RIN2: variants seen among roughly 807,000 people sequenced by gnomAD.
RIN2 encodes the protein Ras and Rab interactor 2.
RIN2 carries 36 observed loss-of-function variants against 78.0 expected under a neutral mutation model. The ratio of observed to expected loss-of-function variants is 0.46; its 90% CI spans 0.35 to 0.61. RIN2 has a LOEUF of 0.61. Among genes scored for constraint, RIN2 ranks in the 20% least tolerant of loss-of-function variants. The probability of loss-of-function intolerance (pLI) is 0.00; values close to 1 mark genes in which losing one functional copy is unlikely to be tolerated. For missense variants in RIN2, 1,087 were observed against 1,159.7 expected, an observed-to-expected ratio of 0.94 and a Z score of 0.91; for synonymous variants, 466 against 466.8, an observed-to-expected ratio of 1.00 and a Z score of 0.02.
At chr20:19,865,399 C>T (rs1230934875) in intron 2 of RIN2, among the ~76,000 whole-genome samples, 2 of 152,092 alleles carry the variant, frequency 1.3e-5, no homozygotes, top group East Asian at 1.9e-4. Flanking sequence ...AAACTGTATT[C>T]CCTGGAACCT....
chr20:19,941,491 A>T (rs73126157), intron 4 of RIN2, among the ~76,000 whole-genome samples: 4,935 of 152,276 alleles, frequency 0.032, 125 homozygotes, highest in Non-Finnish European at 0.044. Context: ...AGTAAAACAT[A>T]ACTCAGCAAA....
At chr20:19,920,640 G>C (rs2039877530) in intron 3 of RIN2, among the ~76,000 whole-genome samples, 1 of 152,166 alleles carries the variant, frequency 6.6e-6, no homozygotes, top group Non-Finnish European at 1.5e-5. Context: ...CAGAGTGTTT[G>C]CTCTGCAGTG....
chr20:19,870,287 G>A (rs1473834288), intron 2 of RIN2, among the ~76,000 whole-genome samples: 1 of 152,094 alleles, frequency 6.6e-6, no homozygotes, highest in East Asian at 1.9e-4. Flanking sequence ...TCTTTCTCTA[G>A]TCCAGGAACT....
intron 3 of RIN2, among the ~76,000 whole-genome samples, chr20:19,932,808 T>C (rs894481324): frequency 1.3e-5 from 2 of 152,238 alleles, no homozygotes; most frequent in African/African-American, 2.4e-5. Flanking sequence ...ACAGATTTAT[T>C]TGATGGCTGA....
intron 2 of RIN2, among the ~76,000 whole-genome samples, chr20:19,822,993 TAGCATTTATTAATC>T (rs2122917507): frequency 6.6e-6 from 1 of 152,356 alleles, no homozygotes; most frequent in African/African-American, 2.4e-5. Flanking sequence ...CTAGAATAGC[TAGCATTTATTAATC>T]ATTTGTCATA....
At chr20:19,863,238 C>T (rs146020082) in intron 2 of RIN2, among the ~76,000 whole-genome samples, 5 of 152,284 alleles carry the variant, frequency 3.3e-5, no homozygotes, top group Non-Finnish European at 2.9e-5. Context: ...ACTTTAGGAA[C>T]ATTATTTAAC....
rs746143523 is a variant in RIN2, at chr20:19,956,827, G to C, written c.351+20G>C. On this transcript the variant is annotated intron_variant, in intron 5 of 12. Transcript: ENST00000255006. ...CCGGGGGTAAGACTCAGAACCTCGG[G>C]AAGCAGGTTGAAGCAGGCAGGACTG... 1 of 1,512,168 alleles carries C rather than the reference G, an allele frequency of 6.6e-7. No homozygotes were observed. The highest frequency in any genetic ancestry group is 8.9e-7 in the Non-Finnish European group (1 of 1,126,506). The allele number at this position is 1,512,168 out of a possible 1,614,324, so 93.7% of individuals were successfully genotyped here. A position where few individuals can be genotyped will look rare whatever the true frequency, so the allele number is the denominator to read the frequency against.
chr20:19,964,494 C>T (rs183697163), intron 6 of RIN2, among the ~76,000 whole-genome samples: 595 of 152,230 alleles, frequency 3.9e-3, no homozygotes, highest in Non-Finnish European at 5.9e-3. Context: ...TTCCTTCTCC[C>T]GTGTGCTTTT....
intron 3 of RIN2, among the ~76,000 whole-genome samples, chr20:19,894,548 G>C (rs2038631210): frequency 6.6e-6 from 1 of 152,102 alleles, no homozygotes; most frequent in South Asian, 2.1e-4. Context: ...CAGCACCCCT[G>C]GCCTAAATCC....
rs1481587981 is a variant in RIN2 at position 19,882,367 on chromosome 20, C to T, written c.-36-7199C>T. On this transcript the variant is annotated intron_variant, in intron 2 of 12. Transcript: ENST00000255006. The stretch of plus-strand genomic sequence containing the variant: ...AAGTTTACAAGGAAAGTATTCATCC[C>T]TAAAACTATTTTCTATAAAATTAAA... Among the ~76,000 whole-genome samples the T allele has an allele frequency of 3.3e-5, 5 of 152,120 alleles. No individual in the cohort carries two copies. The East Asian group carries it at 5.8e-4, about 18-fold the overall frequency.
At chr20:19,851,050 G>GAA (rs1491160798) in intron 2 of RIN2, among the ~76,000 whole-genome samples, 46 of 55,194 alleles carry the variant, frequency 8.3e-4, no homozygotes, top group Non-Finnish European at 1.2e-3. Context: ...AGGAAGGAAG[G>GAA]AGAAAGAAAG....
chr20:19,777,669 C>A (rs180889069), intron 1 of RIN2, among the ~76,000 whole-genome samples: 1 of 152,218 alleles, frequency 6.6e-6, no homozygotes, highest in South Asian at 2.1e-4. Flanking sequence ...CTGGCTGAGA[C>A]GAGATCTTCC....
At chr20:19,815,706 A>C (rs1249939078) in intron 2 of RIN2, among the ~76,000 whole-genome samples, 1 of 152,086 alleles carries the variant, frequency 6.6e-6, no homozygotes, top group Non-Finnish European at 1.5e-5. Context: ...ATTCCTGAGC[A>C]CTGTGATTCA....
intron 3 of RIN2, 64 bp downstream of exon 3, chr20:19,889,722 G>A: frequency 7.8e-7 from 1 of 1,275,652 alleles, no homozygotes; most frequent in Non-Finnish European, 1.1e-6. Flanking sequence ...GGGAGCTGCG[G>A]TGCTCCATGG....
intron 1 of RIN2, among the ~76,000 whole-genome samples, chr20:19,791,424 G>T (rs1042592556): frequency 4.6e-5 from 7 of 152,112 alleles, no homozygotes; most frequent in African/African-American, 1.7e-4. Flanking sequence ...ATAATTTAAG[G>T]TCAACAAAAT....
intron 11 of RIN2, among the ~76,000 whole-genome samples, chr20:19,992,811 G>A (rs73901373): frequency 0.021 from 3,130 of 152,274 alleles, 125 homozygotes; most frequent in African/African-American, 0.071. Flanking sequence ...CCATTGCCAG[G>A]AAAATAACCT....
chr20:19,827,644 T>G (rs555780791), intron 2 of RIN2, among the ~76,000 whole-genome samples: 2 of 152,130 alleles, frequency 1.3e-5, no homozygotes, highest in Non-Finnish European at 2.9e-5. Context: ...AAAATGCCTA[T>G]AGAAGATCCA....
intron 2 of RIN2, among the ~76,000 whole-genome samples, chr20:19,881,177 C>T (rs2038016647): frequency 6.6e-6 from 1 of 152,208 alleles, no homozygotes; most frequent in South Asian, 2.1e-4. Context: ...AATTGGTTCT[C>T]CCTGCTCACT....
chr20:19,952,618 GC>G (rs2041364836), intron 4 of RIN2, among the ~76,000 whole-genome samples: 1 of 152,142 alleles, frequency 6.6e-6, no homozygotes, highest in African/African-American at 2.4e-5. Flanking sequence ...CAGAACAAAG[GC>G]TTTTCAGCTC....
Sources: allele counts gnomAD v4.1 joint callset (sites outside exome capture counted in the v4.1 genomes callset), GRCh38; gene constraint gnomAD v4.1.1; transcripts MANE v1.5; gene names NCBI Gene and HGNC (gene_info 2026-07-23, HGNC 2026-07-21).